The following EYS variants were observed in gnomAD, a reference collection of about 807,000 sequenced individuals.
The protein encoded by EYS is EGF-like photoreceptor maintenance factor.
In EYS, 250 loss-of-function variants were observed where a neutral mutation model predicts 282.1. The observed-to-expected ratio is 0.89, with a 90% CI of 0.80 to 0.98. The LOEUF (loss-of-function observed/expected upper bound fraction) is 0.98, where lower values mean the gene tolerates loss of function less well. Among genes scored for constraint, EYS ranks in the 50% least tolerant of loss-of-function variants. The pLI is 0.00. For synonymous variants in EYS, 1,355 were observed against 1,282.9 expected (o/e 1.06, Z -1.20); for missense variants, 4,016 against 3,709.0 (o/e 1.08, Z -2.15).
chr6:63,877,844 A>G (rs929065492), intron 35 of EYS, among the ~76,000 whole-genome samples: 2 of 152,032 alleles, frequency 1.3e-5, no homozygotes, highest in African/African-American at 4.8e-5. Context: ...TCTTCTCTAC[A>G]CTGTTTATTC....
At chr6:64,913,078 TAC>T (rs1483468046) in intron 15 of EYS, among the ~76,000 whole-genome samples, 4 of 152,086 alleles carry the variant, frequency 2.6e-5, no homozygotes, top group Non-Finnish European at 5.9e-5. Context: ...ATATAAGTTT[TAC>T]AGATGAGATC....
chr6:63,910,369 A>G (rs1773884532), intron 35 of EYS, among the ~76,000 whole-genome samples: 1 of 152,212 alleles, frequency 6.6e-6, no homozygotes, highest in Admixed American at 6.5e-5. Context: ...TTTAATGACT[A>G]TGTAATCAGA....
intron 35 of EYS, among the ~76,000 whole-genome samples, chr6:63,942,814 C>T (rs967222081): frequency 1.3e-5 from 2 of 152,128 alleles, no homozygotes; most frequent in African/African-American, 4.8e-5. Flanking sequence ...CTACCTCTTC[C>T]GCCTCTGCTA....
At chr6:63,807,807 T>A (rs1047172515) in intron 36 of EYS, among the ~76,000 whole-genome samples, 1 of 150,170 alleles carries the variant, frequency 6.7e-6, no homozygotes, top group Non-Finnish European at 1.5e-5. Flanking sequence ...ATAATAACAC[T>A]CTCAGGTATA....
chr6:64,369,737 C>CT, intron 29 of EYS, among the ~76,000 whole-genome samples: 1 of 151,434 alleles, frequency 6.6e-6, no homozygotes, highest in Non-Finnish European at 1.5e-5. Context: ...TAGTCTTTGT[C>CT]CTAAAGCTCT....
intron 35 of EYS, among the ~76,000 whole-genome samples, chr6:63,872,180 G>A (rs1772824825): frequency 6.6e-6 from 1 of 152,156 alleles, no homozygotes. Flanking sequence ...GTCCCAGAGG[G>A]TAGCTTCCCA....
intron 31 of EYS, among the ~76,000 whole-genome samples, chr6:64,139,365 A>G (rs1269362305): frequency 6.6e-6 from 1 of 152,190 alleles, no homozygotes; most frequent in East Asian, 1.9e-4. Flanking sequence ...GAAGACATAC[A>G]TTCTAGTGGC....
At chr6:65,340,532 A>T (rs956290009) in intron 10 of EYS, among the ~76,000 whole-genome samples, 1 of 151,218 alleles carries the variant, frequency 6.6e-6, no homozygotes, top group African/African-American at 2.4e-5. Context: ...GAACCAACTA[A>T]AATAAGTTAT....
chr6:64,245,936 G>A (rs912666146), intron 30 of EYS, among the ~76,000 whole-genome samples: 3 of 146,694 alleles, frequency 2.0e-5, no homozygotes, highest in East Asian at 2.1e-4. Context: ...GGAGAATGGC[G>A]TGAACCCGGG....
intron 30 of EYS, among the ~76,000 whole-genome samples, chr6:64,305,065 G>A (rs1028936552): frequency 6.6e-6 from 1 of 152,196 alleles, no homozygotes; most frequent in African/African-American, 2.4e-5. Context: ...TCTTTAGTTA[G>A]ATGGATTAAG....
chr6:65,393,019 G>T (rs1043596603), intron 7 of EYS, among the ~76,000 whole-genome samples: 1 of 152,106 alleles, frequency 6.6e-6, no homozygotes, highest in African/African-American at 2.4e-5. Context: ...CATGTCCTTT[G>T]TAGAGACATG....
At chr6:65,502,002 T>C (rs1034805686) in intron 2 of EYS, among the ~76,000 whole-genome samples, 6 of 151,738 alleles carry the variant, frequency 4.0e-5, no homozygotes, top group Non-Finnish European at 8.9e-5. Context: ...TCTCCACATA[T>C]GGTCTTATAG....
At chr6:64,806,585 ATAAT>A (rs1184255343) in intron 22 of EYS, among the ~76,000 whole-genome samples, 17 of 152,156 alleles carry the variant, frequency 1.1e-4, no homozygotes, top group Non-Finnish European at 2.4e-4. Flanking sequence ...CTTTTAACAA[ATAAT>A]TAGTGTGAAT....
intron 12 of EYS, among the ~76,000 whole-genome samples, chr6:65,172,055 T>C (rs1278892511): frequency 6.6e-6 from 1 of 151,404 alleles, no homozygotes; most frequent in Non-Finnish European, 1.5e-5. Flanking sequence ...TTGGCATAAA[T>C]TTTAGAGGAA....
chr6:65,579,147 T>G (rs1412068749), intron 2 of EYS, among the ~76,000 whole-genome samples: 1 of 152,146 alleles, frequency 6.6e-6, no homozygotes, highest in Non-Finnish European at 1.5e-5. Flanking sequence ...CGTTTGCCTG[T>G]ATACATGTGT....
intron 28 of EYS, among the ~76,000 whole-genome samples, chr6:64,415,659 T>G (rs2150446900): frequency 6.6e-6 from 1 of 152,320 alleles, no homozygotes; most frequent in Middle Eastern, 3.4e-3. Flanking sequence ...TTCCATTATT[T>G]TAAGCTGCAA....
Position 63,924,734 on chromosome 6 carries a change from A to G in EYS, c.7055+59649T>C, listed in dbSNP as rs115336834. On this transcript the variant is annotated intron_variant, in intron 35 of 42. Transcript: ENST00000503581. ...TTCAGTGGTTACTTTCTAAGATTCT[A>G]TAACAGTTTTTCCACTATGGCCAAG... is the stretch of plus-strand genomic sequence containing the variant. 3.9e-3 allele frequency among the ~76,000 whole-genome samples: 588 copies of G among 152,368 alleles called. 4 individuals are homozygous for G. Among genetic ancestry groups the G allele is most frequent in the African/African-American group, 0.013 (548 of 41,590 alleles).
chr6:65,317,825 C>CCTTTCTTTCTTTCTTT (rs201156936), intron 11 of EYS, among the ~76,000 whole-genome samples: 70 of 81,262 alleles, frequency 8.6e-4, no homozygotes, highest in South Asian at 1.4e-3. Flanking sequence ...TTCCTTCCTT[C>CCTTTCTTTCTTTCTTT]CTTTCTTTCT....
intron 12 of EYS, among the ~76,000 whole-genome samples, chr6:65,136,999 A>C (rs1158894674): frequency 6.6e-6 from 1 of 151,994 alleles, no homozygotes; most frequent in Non-Finnish European, 1.5e-5. Context: ...TTCTTTTTTA[A>C]TTCAAAAACT....
Sources: allele counts gnomAD v4.1 joint callset (sites outside exome capture counted in the v4.1 genomes callset), GRCh38; gene constraint gnomAD v4.1.1; transcripts MANE v1.5; gene names NCBI Gene and HGNC (gene_info 2026-07-23, HGNC 2026-07-21).